Variants in KCND3 observed in about 807,000 individuals in gnomAD.
KCND3 encodes potassium voltage-gated channel subfamily D member 3, also known as A-type voltage-gated potassium channel KCND3.
KCND3 carries 9 observed loss-of-function variants against 51.1 expected under a neutral mutation model. That is an observed-to-expected ratio of 0.18 (90% CI 0.11 to 0.31). The LOEUF (loss-of-function observed/expected upper bound fraction) is 0.31, where lower values mean the gene tolerates loss of function less well. Among genes scored for constraint, KCND3 ranks in the 10% least tolerant of loss-of-function variants. KCND3 has a pLI of 1.00. For synonymous variants in KCND3, 349 were observed against 368.0 expected (o/e 0.95, Z 0.59); for missense variants, 526 against 903.8 (o/e 0.58, Z 5.36).
At chr1:111,950,067 T>C (rs941859676) in intron 2 of KCND3, among the ~76,000 whole-genome samples, 13 of 152,134 alleles carry the variant, frequency 8.5e-5, no homozygotes, top group African/African-American at 2.4e-4. Flanking sequence ...CATGCCACCA[T>C]ACCTGGCTCA....
chr1:111,841,728 T>C (rs1178756181), intron 2 of KCND3, among the ~76,000 whole-genome samples: 1 of 152,252 alleles, frequency 6.6e-6, no homozygotes, highest in Non-Finnish European at 1.5e-5. Flanking sequence ...CCATATCAGT[T>C]CCCTGGCTCC....
chr1:111,951,957 G>T (rs566415494), intron 2 of KCND3, among the ~76,000 whole-genome samples: 1 of 152,298 alleles, frequency 6.6e-6, no homozygotes, highest in South Asian at 2.1e-4. Flanking sequence ...TAGGAGAAGA[G>T]AATGTTTCAG....
chr1:111,849,261 T>C (rs1283794553), intron 2 of KCND3, among the ~76,000 whole-genome samples: 2 of 152,176 alleles, frequency 1.3e-5, no homozygotes, highest in South Asian at 4.1e-4. Context: ...CCCCTTTTCC[T>C]GGTGAGCAGA....
intron 2 of KCND3, among the ~76,000 whole-genome samples, chr1:111,891,828 C>G (rs1669835970): frequency 6.6e-6 from 1 of 152,082 alleles, no homozygotes; most frequent in African/African-American, 2.4e-5. Flanking sequence ...AAGAAAAGTC[C>G]TCTTCTTCAT....
intron 2 of KCND3, among the ~76,000 whole-genome samples, chr1:111,911,813 T>G (rs545129539): frequency 1.2e-3 from 177 of 152,284 alleles, no homozygotes; most frequent in Non-Finnish European, 2.1e-3. Flanking sequence ...TTTTCAAACA[T>G]TGGACAAAAG....
At chr1:111,911,899 C>T (rs1443581941) in intron 2 of KCND3, among the ~76,000 whole-genome samples, 1 of 152,210 alleles carries the variant, frequency 6.6e-6, no homozygotes, top group African/African-American at 2.4e-5. Flanking sequence ...CTACTGCCTG[C>T]ATCGGATTTC....
At chr1:111,984,523 T>C (rs1347921367) in intron 1 of KCND3, among the ~76,000 whole-genome samples, 1 of 152,214 alleles carries the variant, frequency 6.6e-6, no homozygotes, top group Non-Finnish European at 1.5e-5. Flanking sequence ...TTCTTGTCTC[T>C]CACTCTCACA....
At position 111,836,612 on chromosome 1, in the gene KCND3, C is replaced by A. The variant is rs140709477; in HGVS notation, c.1107-49506G>T. Among the ~76,000 whole-genome samples, 447 of 152,270 alleles carry A rather than the reference C, an allele frequency of 2.9e-3. 4 individuals are homozygous for A. Among genetic ancestry groups the A allele is most frequent in the Middle Eastern group, 0.024 (7 of 294 alleles). On this transcript the variant is annotated intron_variant, in intron 2 of 7. Coordinates refer to ENST00000302127, the MANE Select transcript of KCND3 (RefSeq NM_001378969.1). The stretch of plus-strand genomic sequence containing the variant: ...GCCTCCAAGGGCAGTGACCATCTCA[C>A]CTGACAGACCCTGTGGGTAGCGGTA...
chr1:111,859,700 G>C (rs1156433622), intron 2 of KCND3, among the ~76,000 whole-genome samples: 1 of 152,160 alleles, frequency 6.6e-6, no homozygotes, highest in Non-Finnish European at 1.5e-5. Flanking sequence ...TGGAGAGATG[G>C]ATGATCCTCC....
At chr1:111,854,911 A>G (rs1486353534) in intron 2 of KCND3, among the ~76,000 whole-genome samples, 6 of 152,162 alleles carry the variant, frequency 3.9e-5, no homozygotes, top group African/African-American at 1.4e-4. Flanking sequence ...CAGTGCCATT[A>G]GGGAACTTCA....
chr1:111,783,605 C>G (rs1037141333), intron 3 of KCND3, among the ~76,000 whole-genome samples: 2 of 151,986 alleles, frequency 1.3e-5, no homozygotes, highest in Admixed American at 1.3e-4. Flanking sequence ...GTTGGAGAGG[C>G]AGAAGGAAGA....
intron 2 of KCND3, among the ~76,000 whole-genome samples, chr1:111,977,096 G>A (rs1235146955): frequency 2.6e-5 from 4 of 152,250 alleles, no homozygotes; most frequent in Non-Finnish European, 5.9e-5. Flanking sequence ...TAAGATCCAA[G>A]TCCCCTAGGC....
chr1:111,808,637 G>A (rs985345816), intron 2 of KCND3, among the ~76,000 whole-genome samples: 2 of 152,218 alleles, frequency 1.3e-5, no homozygotes, highest in Non-Finnish European at 2.9e-5. Context: ...CAGGGAGCAT[G>A]CACAAGCCCT....
rs145584513 is a variant in KCND3, at chr1:111,967,132, T to G, written c.1106+14489A>C. On this transcript the variant is annotated intron_variant, in intron 2 of 7. Transcript: ENST00000302127. ...TTCAGCTTGGGAGACAAGAGTGAGA[T>G]TCCGTCTCAAAAAAAAAAAAACAAA... is the stretch of plus-strand genomic sequence containing the variant. Among the ~76,000 whole-genome samples the G allele has an allele frequency of 6.4e-3, 918 of 144,558 alleles. 10 individuals are homozygous for G. Among genetic ancestry groups the G allele is most frequent in the African/African-American group, 0.023 (877 of 38,922 alleles). The allele number at this position is 144,558 out of a possible 152,430, so 94.8% of individuals were successfully genotyped here.
intron 2 of KCND3, among the ~76,000 whole-genome samples, chr1:111,921,301 G>A (rs893965785): frequency 6.6e-6 from 1 of 152,216 alleles, no homozygotes; most frequent in Admixed American, 6.5e-5. Flanking sequence ...TACAGCATAA[G>A]GGCCCTCGAA....
intron 2 of KCND3, among the ~76,000 whole-genome samples, chr1:111,866,784 A>G (rs1034752122): frequency 6.6e-6 from 1 of 152,070 alleles, no homozygotes. Flanking sequence ...AACAAAACAA[A>G]ACAAAGTATG....
At chr1:111,847,020 T>C (rs1294889034) in intron 2 of KCND3, among the ~76,000 whole-genome samples, 1 of 152,200 alleles carries the variant, frequency 6.6e-6, no homozygotes, top group Non-Finnish European at 1.5e-5. Flanking sequence ...TCAAGCCCAG[T>C]GCCTGGCCCA....
Position 111,956,529 on chromosome 1 carries a change from C to A in KCND3, c.1106+25092G>T, listed in dbSNP as rs187527496. 2.7e-3 allele frequency among the ~76,000 whole-genome samples: 407 copies of A among 152,300 alleles called. 2 individuals are homozygous for A. Among genetic ancestry groups the A allele is most frequent in the African/African-American group, 9.5e-3 (395 of 41,556 alleles). On this transcript the variant is annotated intron_variant, in intron 2 of 7. Transcript: ENST00000302127. ...GAGGGTCTGGGCTGTGAGCTCAGCA[C>A]CCTCCGGGAGCCTCTCCAAGCCGGG... is the stretch of plus-strand genomic sequence containing the variant.
At chr1:111,832,975 C>T (rs924156324) in intron 2 of KCND3, among the ~76,000 whole-genome samples, 4 of 152,196 alleles carry the variant, frequency 2.6e-5, no homozygotes, top group African/African-American at 9.7e-5. Context: ...AGGTGGGAAG[C>T]AAGAGGGGCG....
Sources: gnomAD v4.1 joint callset for allele counts (sites outside exome capture counted in the v4.1 genomes callset) on GRCh38, gnomAD v4.1.1 for gene constraint, MANE v1.5 for transcripts, NCBI Gene and HGNC (gene_info 2026-07-23, HGNC 2026-07-21) for gene names.